Variants in PLB1 observed in about 807,000 individuals in gnomAD.
PLB1 encodes the protein phospholipase B1, membrane-associated.
PLB1 carries 242 observed loss-of-function variants against 227.4 expected under a neutral mutation model. The ratio of observed to expected loss-of-function variants is 1.06; its 90% CI spans 0.96 to 1.18. The LOEUF (loss-of-function observed/expected upper bound fraction) is 1.18. Among genes scored for constraint, PLB1 ranks in the 50% most tolerant of loss-of-function variants. The pLI is 0.00. For synonymous variants in PLB1, 757 were observed against 682.2 expected (o/e 1.11, Z -1.71); for missense variants, 1,858 against 1,816.3 (o/e 1.02, Z -0.42).
At chr2:28,562,517 G>GA (rs1676205645) in intron 17 of PLB1, among the ~76,000 whole-genome samples, 1 of 89,254 alleles carries the variant, frequency 1.1e-5, no homozygotes, top group Non-Finnish European at 2.0e-5. Context: ...ACTCCAGCCT[G>GA]GAGACAGAGC....
At chr2:28,517,092 T>C (rs191485969) in intron 2 of PLB1, among the ~76,000 whole-genome samples, 1 of 152,268 alleles carries the variant, frequency 6.6e-6, no homozygotes, top group Admixed American at 6.5e-5. Flanking sequence ...GAATGGGCGG[T>C]TCCCAGAAGT....
chr2:28,640,510 A>G (rs1040746331), intron 56 of PLB1, among the ~76,000 whole-genome samples: 1 of 152,182 alleles, frequency 6.6e-6, no homozygotes, highest in Non-Finnish European at 1.5e-5. Context: ...AGCCCCATGC[A>G]CTTTGAGAAG....
At chr2:28,538,446 AC>A in intron 10 of PLB1, 65 bp downstream of exon 10, 1 of 1,484,910 alleles carries the variant, frequency 6.7e-7, no homozygotes, top group South Asian at 1.2e-5. Context: ...TGTGGCCTCC[AC>A]CGGGGTGGGG....
chr2:28,496,476 G>A (rs1350555736), intron 1 of PLB1, among the ~76,000 whole-genome samples: 1 of 152,070 alleles, frequency 6.6e-6, no homozygotes, highest in Non-Finnish European at 1.5e-5. Flanking sequence ...GTGCTTTGTG[G>A]CTTTGGGCAA....
chr2:28,504,065 C>T (rs948535375), intron 1 of PLB1, among the ~76,000 whole-genome samples: 2 of 152,212 alleles, frequency 1.3e-5, no homozygotes, highest in Non-Finnish European at 2.9e-5. Context: ...GGCTTGATTA[C>T]TTCCATCAGT....
At chr2:28,545,567 T>G (rs1673127268) in intron 14 of PLB1, among the ~76,000 whole-genome samples, 1 of 152,174 alleles carries the variant, frequency 6.6e-6, no homozygotes, top group Non-Finnish European at 1.5e-5. Flanking sequence ...TCACACGGTC[T>G]TTCGGGGTGT....
chr2:28,578,054 G>A, intron 21 of PLB1, 53 bp from the exon 22 acceptor site: 1 of 1,561,286 alleles, frequency 6.4e-7, no homozygotes, highest in South Asian at 1.1e-5. Context: ...CTCTGCTAAG[G>A]GCCCCTGCCA....
intron 9 of PLB1, among the ~76,000 whole-genome samples, chr2:28,535,921 AAAAAC>A (rs533156342): frequency 2.6e-4 from 39 of 152,250 alleles, no homozygotes; most frequent in East Asian, 1.7e-3. Flanking sequence ...CTCTGTCTTT[AAAAAC>A]AAAACAAAAC....
chr2:28,603,865 G>A (rs1684268348), intron 39 of PLB1, 101 bp from the exon 40 acceptor site: 3 of 1,090,026 alleles, frequency 2.8e-6, no homozygotes, highest in Non-Finnish European at 4.2e-6. Flanking sequence ...AACCAGGGCG[G>A]GAGGGAGCCT....
intron 46 of PLB1, among the ~76,000 whole-genome samples, chr2:28,619,519 G>GTTTTTTTTT (rs776491318): frequency 8.0e-6 from 1 of 124,610 alleles, no homozygotes; most frequent in African/African-American, 3.2e-5. Context: ...AAATTTCAAG[G>GTTTTTTTTT]TTTTGTTTTT....
At chr2:28,581,968 G>C in intron 23 of PLB1, 100 bp from the exon 24 acceptor site, 1 of 991,344 alleles carries the variant, frequency 1.0e-6, no homozygotes, top group Non-Finnish European at 1.5e-6. Context: ...CTCAAAAAAA[G>C]AAAAAAAAAA....
intron 39 of PLB1, 140 bp from the exon 40 acceptor site, chr2:28,603,826 G>A (rs938928200): frequency 2.3e-5 from 17 of 732,356 alleles, no homozygotes; most frequent in African/African-American, 5.2e-5. Context: ...GAGCATGTGC[G>A]CCAGAGCCTC....
In PLB1 at chr2:28,529,317, T is replaced by C. The variant is rs201803578; in HGVS notation, c.326T>C (p.Val109Ala). Residue 109 changes from valine to alanine, a missense_variant and splice_region_variant, in exon 7 of 58, where the codon GTC (valine) becomes GCC (alanine). Val to Ala is a moderately conservative substitution (Grantham distance 64, BLOSUM62 0). Coordinates refer to ENST00000327757, the MANE Select transcript of PLB1 (RefSeq NM_153021.5). ...PQQVCMGVMTVLSDIIRYFSP... is the reference protein window; with the variant it reads ...PQQVCMGVMTALSDIIRYFSP... ...GGCCTCAAACCAGTTCTCTCTTTAG[T>C]CCTTTCAGACATCATCAGATATTTC... 10 of 1,605,294 alleles carry C rather than the reference T, an allele frequency of 6.2e-6. No individual in the cohort carries two copies. The highest frequency in any genetic ancestry group is 8.5e-6 in the Non-Finnish European group (10 of 1,172,036).
At chr2:28,511,677 A>G (rs1668273159) in intron 1 of PLB1, among the ~76,000 whole-genome samples, 1 of 152,214 alleles carries the variant, frequency 6.6e-6, no homozygotes, top group Non-Finnish European at 1.5e-5. Flanking sequence ...TGATGTGTCT[A>G]AGTAAGATTC....
chr2:28,566,970 C>T, intron 20 of PLB1, 131 bp downstream of exon 20: 1 of 946,024 alleles, frequency 1.1e-6, no homozygotes, highest in Non-Finnish European at 1.6e-6. Context: ...CCAGGGGGCG[C>T]TGCCTCCCGA....
chr2:28,514,314 G>T (rs1489367810), intron 1 of PLB1, among the ~76,000 whole-genome samples: 1 of 152,020 alleles, frequency 6.6e-6, no homozygotes, highest in Non-Finnish European at 1.5e-5. Flanking sequence ...TTATTCTTTT[G>T]CCAGTCACAC....
At chr2:28,623,061 A>G (rs2148329766) in intron 49 of PLB1, among the ~76,000 whole-genome samples, 1 of 152,314 alleles carries the variant, frequency 6.6e-6, no homozygotes, top group Non-Finnish European at 1.5e-5. Context: ...GAGTACAATT[A>G]AGAGAACAGA....
intron 47 of PLB1, 124 bp downstream of exon 47, chr2:28,620,456 A>G (rs1686872971): frequency 1.5e-6 from 2 of 1,341,938 alleles, no homozygotes; most frequent in South Asian, 1.4e-5. Flanking sequence ...GAGACAGGAG[A>G]CTCAATGCTT....
intron 43 of PLB1, among the ~76,000 whole-genome samples, chr2:28,606,999 G>A (rs999205206): frequency 3.3e-5 from 5 of 152,154 alleles, no homozygotes; most frequent in African/African-American, 1.2e-4. Flanking sequence ...GCCTGGATTA[G>A]GGAGATTCCA....
Sources: allele counts gnomAD v4.1 joint callset (sites outside exome capture counted in the v4.1 genomes callset), GRCh38; gene constraint gnomAD v4.1.1; transcripts MANE v1.5; gene names NCBI Gene and HGNC (gene_info 2026-07-23, HGNC 2026-07-21).